GPR146: variants seen among roughly 807,000 people sequenced by gnomAD.
The protein encoded by GPR146 is G-protein coupled receptor 146.
For missense variants in GPR146, 381 were observed against 213.9 expected, an observed-to-expected ratio of 1.78 and a Z score of -4.87; for synonymous variants, 203 against 104.3, an observed-to-expected ratio of 1.95 and a Z score of -5.77.
At chr7:1,055,943 G>T (rs1468665984) in intron 1 of GPR146, among the ~76,000 whole-genome samples, 1 of 152,220 alleles carries the variant, frequency 6.6e-6, no homozygotes, top group Non-Finnish European at 1.5e-5. Flanking sequence ...CTGCCACTCT[G>T]TGACAGCCAA....
chr7:1,057,159 C>T (rs1220528038), intron 1 of GPR146, among the ~76,000 whole-genome samples: 4 of 152,064 alleles, frequency 2.6e-5, no homozygotes, highest in African/African-American at 7.2e-5. Flanking sequence ...AATCACTGTG[C>T]GGGGCCCGTC....
intron 1 of GPR146, among the ~76,000 whole-genome samples, chr7:1,050,547 G>A (rs78185558): frequency 2.3e-4 from 35 of 152,280 alleles, no homozygotes; most frequent in Admixed American, 8.5e-4. Flanking sequence ...AGCTCCGAGC[G>A]GATGCTCTGC....
intron 1 of GPR146, among the ~76,000 whole-genome samples, chr7:1,055,912 G>A (rs1783699562): frequency 6.6e-6 from 1 of 152,208 alleles, no homozygotes; most frequent in Non-Finnish European, 1.5e-5. Context: ...GGAGTCTGGG[G>A]GGTGACGTCC....
chr7:1,058,180 G>A lies in GPR146; in HGVS notation c.665G>A (p.Arg222Gln), dbSNP rs747688510. 11 of 740,702 alleles carry A rather than the reference G, an allele frequency of 1.5e-5. No individual in the cohort carries two copies. Among genetic ancestry groups the A allele is most frequent in the African/African-American group, 6.8e-5 (4 of 59,016 alleles). 45.9% of individuals were successfully genotyped at this position (740,702 alleles called of 1,614,324 possible). ...CGCAGGGAGGACACGCCCCTGGACCGGGACACGGGCCGGCTGGAGCCCTCG... is the reference window on the plus strand; with the variant it reads ...CGCAGGGAGGACACGCCCCTGGACCAGGACACGGGCCGGCTGGAGCCCTCG... Reference protein sequence around the residue: ...RVRREDTPLDRDTGRLEPSAH... With the variant: ...RVRREDTPLDQDTGRLEPSAH... The change falls in exon 2 of 2, where the codon CGG becomes CAG. Residue 222 changes from arginine to glutamine, a missense_variant. Coordinates refer to ENST00000444847, the MANE Select transcript of GPR146 (RefSeq NM_001303473.2).
chr7:1,057,774 C>A lies in GPR146; in HGVS notation c.259C>A (p.Pro87Thr). 2 of 775,660 alleles carry A rather than the reference C, an allele frequency of 2.6e-6. No homozygotes were observed. Among genetic ancestry groups the A allele is most frequent in the Non-Finnish European group, 4.8e-6 (2 of 417,724 alleles). 48.0% of individuals were successfully genotyped at this position (775,660 alleles called of 1,614,324 possible). A position where few individuals can be genotyped will look rare whatever the true frequency, so the allele number is the denominator to read the frequency against. The stretch of plus-strand genomic sequence containing the variant: ...CCTGGCCCCTGTGCACCTGCTCGGC[C>A]CCCCGAGCTCCCGGTGGGCGCTGTG... ...SALAPVHLLG[P>T]PSSRWALWSV... The change falls in exon 2 of 2, where the codon CCC becomes ACC. Residue 87 changes from proline (P) to threonine (T), a missense_variant. Transcript: ENST00000444847.
Position 1,057,976 on chromosome 7 carries a change from G to T in GPR146, c.461G>T (p.Gly154Val). ...CACGTGTGCGGCTTCGTGTGGGGTGGCGCGCTGCTGACCAGCTTCTCCTCG... is the reference window on the plus strand; with the variant it reads ...CACGTGTGCGGCTTCGTGTGGGGTGTCGCGCTGCTGACCAGCTTCTCCTCG... ...TRHVCGFVWGGALLTSFSSLL... is the reference protein window; with the variant it reads ...TRHVCGFVWGVALLTSFSSLL... The change falls in exon 2 of 2, where the codon GGC becomes GTC. Residue 154 changes from glycine to valine, a missense_variant. By Grantham distance (109) the Gly-to-Val change is moderately radical. Transcript: ENST00000444847. The T allele has an allele frequency of 2.6e-6, 2 of 770,912 alleles. No individual in the cohort carries two copies. 47.8% of individuals were successfully genotyped at this position (770,912 alleles called of 1,614,324 possible). A position where few individuals can be genotyped will look rare whatever the true frequency, so the allele number is the denominator to read the frequency against.
At chr7:1,047,926 G>A (rs3735674) in intron 1 of GPR146, among the ~76,000 whole-genome samples, 3 of 152,106 alleles carry the variant, frequency 2.0e-5, no homozygotes, top group Non-Finnish European at 4.4e-5. Context: ...CCCCTTCTAC[G>A]GTTTTCATCC....
intron 1 of GPR146, among the ~76,000 whole-genome samples, chr7:1,046,742 A>G (rs1782618982): frequency 6.6e-6 from 1 of 152,168 alleles, no homozygotes; most frequent in East Asian, 1.9e-4. Flanking sequence ...GTTCATCCCC[A>G]CAGAGCCACA....
chr7:1,050,658 G>A (rs1348955843), intron 1 of GPR146, among the ~76,000 whole-genome samples: 2 of 152,220 alleles, frequency 1.3e-5, no homozygotes, highest in Non-Finnish European at 2.9e-5. Context: ...CCGCAGCCTA[G>A]GAAGCATCTT....
chr7:1,047,981 C>T (rs1399472804), intron 1 of GPR146, among the ~76,000 whole-genome samples: 3 of 152,142 alleles, frequency 2.0e-5, no homozygotes, highest in African/African-American at 7.2e-5. Context: ...ACTTCCCCTG[C>T]CTGCAAAGAG....
intron 1 of GPR146, among the ~76,000 whole-genome samples, chr7:1,048,863 C>T (rs987545958): frequency 6.6e-6 from 1 of 152,212 alleles, no homozygotes; most frequent in Middle Eastern, 3.2e-3. Context: ...CCTTCTCAGT[C>T]CCATGTTCCT....
At position 1,058,146 on chromosome 7, in the gene GPR146, TC is replaced by T. The variant is rs1316649651; in HGVS notation, c.634del (p.Arg212AlafsTer40). 5.4e-6 allele frequency: 4 copies of T among 741,792 alleles called. No homozygotes were observed. The highest frequency in any genetic ancestry group is 9.9e-6 in the Non-Finnish European group (4 of 404,428). 46.0% of individuals were successfully genotyped at this position (741,792 alleles called of 1,614,324 possible). A position where few individuals can be genotyped will look rare whatever the true frequency, so the allele number is the denominator to read the frequency against. ...LATLYALVLL[S>X]RVRREDTPLD... The stretch of plus-strand genomic sequence containing the variant: ...CACCCTCTACGCGCTGGTGCTACTC[TC>T]CCGCGTCCGCAGGGAGGACACGCCC... On this transcript the variant is annotated frameshift_variant, in exon 2 of 2. Transcript: ENST00000444847. LOFTEE classifies it low-confidence loss of function (END_TRUNC).
rs964342027 is a variant in GPR146, at chr7:1,059,146, C to T, written c.*629C>T. 1 of 168,362 alleles carries T rather than the reference C, an allele frequency of 5.9e-6. No individual in the cohort carries two copies. Among genetic ancestry groups the T allele is most frequent in the Non-Finnish European group, 1.4e-5 (1 of 69,086 alleles). 10.4% of individuals were successfully genotyped at this position (168,362 alleles called of 1,614,324 possible). On this transcript the variant is annotated 3_prime_UTR_variant, in exon 2 of 2. Transcript: ENST00000444847. Reference sequence around the variant, plus strand: ...TCAGCCACCAAATGTCCCTGACACCCTCCCCAGCCCCCACAGATAACATCA... The same window carrying T: ...TCAGCCACCAAATGTCCCTGACACCTTCCCCAGCCCCCACAGATAACATCA...
rs369315225 is a variant in GPR146, at chr7:1,058,271, C to A, written c.756C>A (p.Ile252=). The A allele has an allele frequency of 1.3e-6, 1 of 772,594 alleles. No homozygotes were observed. The allele number at this position is 772,594 out of a possible 1,614,324, so 47.9% of individuals were successfully genotyped here. A position where few individuals can be genotyped will look rare whatever the true frequency, so the allele number is the denominator to read the frequency against. The stretch of plus-strand genomic sequence containing the variant: ...GGCTCTGGACGCCACACTATCTGAT[C>A]CTGCTGGGGCACACGGTCATCATCT... The part of the protein sequence containing the change: ...QFGLWTPHYL[I]LLGHTVIISR... Residue 252 remains isoleucine (I), a synonymous_variant, in exon 2 of 2, where the codon ATC becomes ATA. Coordinates refer to ENST00000444847, the MANE Select transcript of GPR146 (RefSeq NM_001303473.2).
intron 1 of GPR146, among the ~76,000 whole-genome samples, chr7:1,051,668 A>G (rs1009153128): frequency 2.0e-5 from 3 of 152,170 alleles, no homozygotes; most frequent in African/African-American, 7.2e-5. Context: ...CCTTTTTATG[A>G]GAGTTATTTA....
chr7:1,053,617 C>T (rs921196556), intron 1 of GPR146, among the ~76,000 whole-genome samples: 22 of 152,196 alleles, frequency 1.4e-4, no homozygotes, highest in African/African-American at 4.8e-4. Context: ...CACCTGAGGT[C>T]GGGAGTTCGA....
Position 1,058,027 on chromosome 7 carries a change from T to C in GPR146, c.512T>C (p.Val171Ala). 2 of 769,572 alleles carry C rather than the reference T, an allele frequency of 2.6e-6. No homozygotes were observed. The highest frequency in any genetic ancestry group is 4.8e-6 in the Non-Finnish European group (2 of 417,984). 47.7% of individuals were successfully genotyped at this position (769,572 alleles called of 1,614,324 possible). ...SSLLFYICSH[V>A]STRALECAKM... ...CTGCTCTTCTACATCTGCAGCCATG[T>C]GTCCACCCGCGCGCTAGAGTGCGCC... Residue 171 changes from valine to alanine, a missense_variant, in exon 2 of 2, where the codon GTG (valine) becomes GCG (alanine). By Grantham distance (64) the Val-to-Ala change is moderately conservative. Coordinates refer to ENST00000444847, the MANE Select transcript of GPR146 (RefSeq NM_001303473.2).
intron 1 of GPR146, among the ~76,000 whole-genome samples, chr7:1,057,036 G>C (rs1198555002): frequency 6.6e-6 from 1 of 152,130 alleles, no homozygotes; most frequent in African/African-American, 2.4e-5. Flanking sequence ...CAAGGCACCG[G>C]GTCCTGAGCT....
intron 1 of GPR146, 135 bp from the exon 2 acceptor site, chr7:1,057,357 T>C (rs935555653): frequency 1.4e-4 from 83 of 593,348 alleles, no homozygotes; most frequent in East Asian, 3.1e-4. Context: ...TTCACAGAAA[T>C]GCACCAAAGG....
Sources: gnomAD v4.1 joint callset for allele counts (sites outside exome capture counted in the v4.1 genomes callset) on GRCh38, gnomAD v4.1.1 for gene constraint, MANE v1.5 for transcripts, NCBI Gene and HGNC (gene_info 2026-07-23, HGNC 2026-07-21) for gene names.